Variants in DEFB124 observed in about 807,000 individuals in gnomAD.
DEFB124 encodes defensin beta 124.
For missense variants in DEFB124, 78 were observed against 83.1 expected (o/e 0.94, Z 0.24); for synonymous variants, 38 against 36.5 (o/e 1.04, Z -0.15).
intron 2 of DEFB124, among the ~76,000 whole-genome samples, chr20:31,471,729 C>T (rs1489573738): frequency 3.4e-4 from 47 of 139,394 alleles, no homozygotes; most frequent in Middle Eastern, 8.6e-3. Flanking sequence ...CAGACGGGGT[C>T]GCAGCCTGGC....
intron 2 of DEFB124, among the ~76,000 whole-genome samples, chr20:31,471,147 A>C (rs1282462012): frequency 4.2e-5 from 4 of 94,318 alleles, no homozygotes; most frequent in South Asian, 3.9e-4. Flanking sequence ...TGACCCCCCC[A>C]CCTCCCTCCC....
In DEFB124 at chr20:31,470,711, C is replaced by T. The variant is rs927756157; in HGVS notation, c.58+2245G>A. Among the ~76,000 whole-genome samples, 80 of 137,018 alleles carry T rather than the reference C, an allele frequency of 5.8e-4. 1 individual carries two copies. Among genetic ancestry groups the T allele is most frequent in the Non-Finnish European group, 4.6e-4 (29 of 62,666 alleles). The allele number at this position is 137,018 out of a possible 152,430, so 89.9% of individuals were successfully genotyped here. ...CGGCTGGCTGGGCGGGGGGCTGACTCCCCCACCTCCCTCCCGGACGGGGTG... is the reference window on the plus strand; with the variant it reads ...CGGCTGGCTGGGCGGGGGGCTGACTTCCCCACCTCCCTCCCGGACGGGGTG... On this transcript the variant is annotated intron_variant, in intron 2 of 2. Coordinates refer to ENST00000317676, the MANE Select transcript of DEFB124 (RefSeq NM_001037500.2).
intron 2 of DEFB124, among the ~76,000 whole-genome samples, chr20:31,465,959 C>T (rs1204673337): frequency 6.6e-6 from 1 of 151,986 alleles, no homozygotes; most frequent in Non-Finnish European, 1.5e-5. Context: ...GAGTTTGAGA[C>T]CAGCCTGGCC....
intron 1 of DEFB124, among the ~76,000 whole-genome samples, chr20:31,473,792 G>A: frequency 6.6e-6 from 1 of 152,194 alleles, no homozygotes; most frequent in East Asian, 1.9e-4. Flanking sequence ...CTGGTCATTT[G>A]TTAGATCACT....
intron 1 of DEFB124, among the ~76,000 whole-genome samples, chr20:31,473,312 G>T (rs1317483236): frequency 2.0e-5 from 3 of 152,172 alleles, no homozygotes; most frequent in Non-Finnish European, 4.4e-5. Context: ...ACCTAAGAGA[G>T]TGGAAAAAAT....
intron 2 of DEFB124, among the ~76,000 whole-genome samples, chr20:31,469,896 C>T (rs4328703): frequency 0.32 from 43,601 of 136,676 alleles, 9,499 homozygotes; most frequent in African/African-American, 0.64. Flanking sequence ...CTTTTCCCCA[C>T]CTTTCCTCCC....
At position 31,473,031 on chromosome 20, in the gene DEFB124, G is replaced by C. The variant is rs745918416; in HGVS notation, c.-18C>G. ...TGTGTCATGGCCACGGGGCTCCTGG[G>C]GAGGCTGCTGGAGAGAGCACAAGAG... is the stretch of plus-strand genomic sequence containing the variant. On this transcript the variant is annotated 5_prime_UTR_variant, in exon 2 of 3. Transcript: ENST00000317676. 1.2e-6 allele frequency: 2 copies of C among 1,613,218 alleles called. No individual in the cohort carries two copies. Among genetic ancestry groups the C allele is most frequent in the Admixed American group, 3.3e-5 (2 of 59,788 alleles).
At chr20:31,468,377 C>A (rs562856892) in intron 2 of DEFB124, among the ~76,000 whole-genome samples, 1 of 152,232 alleles carries the variant, frequency 6.6e-6, no homozygotes, top group East Asian at 1.9e-4. Context: ...CAAAATAATT[C>A]ACGGGAATGG....
At chr20:31,468,092 C>A (rs1468313903) in intron 2 of DEFB124, among the ~76,000 whole-genome samples, 1 of 152,170 alleles carries the variant, frequency 6.6e-6, no homozygotes, top group Non-Finnish European at 1.5e-5. Context: ...TTGAACTTCC[C>A]AATCACTCCA....
At chr20:31,465,862 A>G in intron 2 of DEFB124, among the ~76,000 whole-genome samples, 199 bp from the exon 3 acceptor site, 1 of 152,186 alleles carries the variant, frequency 6.6e-6, no homozygotes, top group East Asian at 1.9e-4. Context: ...ATTAGTTACA[A>G]ATTAGAGACT....
At chr20:31,472,917 GCA>G (rs34150499) in intron 2 of DEFB124, 37 bp downstream of exon 2, 12,816 of 1,372,416 alleles carry the variant, frequency 9.3e-3, no homozygotes, top group South Asian at 0.024. Flanking sequence ...GCACACATGT[GCA>G]CACACACACA....
chr20:31,474,071 G>A (rs557569418), intron 1 of DEFB124, among the ~76,000 whole-genome samples: 1 of 152,238 alleles, frequency 6.6e-6, no homozygotes, highest in African/African-American at 2.4e-5. Flanking sequence ...AAATGATTCT[G>A]CAGAGAATAG....
intron 2 of DEFB124, among the ~76,000 whole-genome samples, chr20:31,471,071 C>A (rs1440582273): frequency 1.4e-5 from 2 of 140,706 alleles, no homozygotes; most frequent in Admixed American, 6.8e-5. Context: ...CCCCCACCTC[C>A]CTCCCGGACG....
At chr20:31,469,759 T>C (rs1189834235) in intron 2 of DEFB124, among the ~76,000 whole-genome samples, 3 of 149,660 alleles carry the variant, frequency 2.0e-5, no homozygotes, top group Non-Finnish European at 4.4e-5. Flanking sequence ...GAGCACAGGG[T>C]TGGGGGTAAG....
intron 2 of DEFB124, among the ~76,000 whole-genome samples, chr20:31,471,484 A>C (rs1408672377): frequency 1.1e-5 from 1 of 89,872 alleles, no homozygotes; most frequent in East Asian, 4.1e-4. Flanking sequence ...TCCCTCCCGG[A>C]CGGGGGGCTG....
In DEFB124 at chr20:31,468,872, G is replaced by A. The variant is rs943327043; in HGVS notation, c.59-3209C>T. Among the ~76,000 whole-genome samples the A allele has an allele frequency of 5.9e-5, 9 of 152,106 alleles. 1 individual carries two copies. Among genetic ancestry groups the A allele is most frequent in the Non-Finnish European group, 8.8e-5 (6 of 68,022 alleles). On this transcript the variant is annotated intron_variant, in intron 2 of 2. Coordinates refer to ENST00000317676, the MANE Select transcript of DEFB124 (RefSeq NM_001037500.2). ...CATGCCTGTAATCCCAGCATTTTGG[G>A]AGGCCAAAGCTGGAGGATTGCTTGA...
At chr20:31,471,764 G>GAT (rs1980321604) in intron 2 of DEFB124, among the ~76,000 whole-genome samples, 1 of 150,624 alleles carries the variant, frequency 6.6e-6, no homozygotes, top group Non-Finnish European at 1.5e-5. Flanking sequence ...CATCCCAGAC[G>GAT]GGGCGGCGGG....
chr20:31,471,326 CT>C, intron 2 of DEFB124, among the ~76,000 whole-genome samples: 1 of 73,886 alleles, frequency 1.4e-5, no homozygotes, highest in Admixed American at 1.3e-4. Context: ...CCCCCCCCAC[CT>C]CCCTCCCGGA....
intron 2 of DEFB124, among the ~76,000 whole-genome samples, chr20:31,470,921 G>A (rs1203057895): frequency 7.3e-6 from 1 of 137,920 alleles, no homozygotes; most frequent in East Asian, 2.3e-4. Context: ...TGGCTGGCCC[G>A]GCAGAGGGGC....
Sources: allele counts gnomAD v4.1 joint callset (sites outside exome capture counted in the v4.1 genomes callset), GRCh38; gene constraint gnomAD v4.1.1; transcripts MANE v1.5; gene names NCBI Gene and HGNC (gene_info 2026-07-23, HGNC 2026-07-21).